The following KLRG1 variants were observed in gnomAD, a reference collection of about 807,000 sequenced individuals.
KLRG1 encodes the protein killer cell lectin like receptor G1, also known as killer cell lectin-like receptor subfamily G member 1.
In KLRG1, 16 loss-of-function variants were observed where a neutral mutation model predicts 21.8. The ratio of observed to expected loss-of-function variants is 0.73; its 90% CI spans 0.50 to 1.11. The LOEUF is 1.11. Ranked by LOEUF, KLRG1 falls within the 50% of genes most tolerant of loss-of-function variation. The pLI is 0.00. For missense variants in KLRG1, 173 were observed against 218.3 expected (o/e 0.79, Z 1.31); for synonymous variants, 69 against 75.9 (o/e 0.91, Z 0.47).
At chr12:9,213,691 A>G in the KLRG1 span, among the ~76,000 whole-genome samples, 1 of 151,850 alleles carries the variant, frequency 6.6e-6, no homozygotes, top group African/African-American at 2.4e-5. Context: ...TTATCTTTTT[A>G]TTGTTGAATT....
chr12:8,954,876 T>A (rs116195181), intron 1 of KLRG1, among the ~76,000 whole-genome samples: 1,536 of 152,344 alleles, frequency 0.01, 24 homozygotes, highest in African/African-American at 0.034. Context: ...CTGGTTTCTC[T>A]TGTTAAGGCA....
downstream of KLRG1, among the ~76,000 whole-genome samples, chr12:9,011,284 T>A (rs1465929154): frequency 6.6e-6 from 1 of 152,212 alleles, no homozygotes; most frequent in African/African-American, 2.4e-5. Context: ...AGTAACAGTT[T>A]ACTTCCTGGT....
the KLRG1 span, chr12:9,196,986 A>G: frequency 3.5e-5 from 52 of 1,465,482 alleles, no homozygotes; most frequent in Middle Eastern, 1.7e-4. Flanking sequence ...CAGTGATAGC[A>G]CTGAGGGAGA....
chr12:9,004,161 C>T lies in KLRG1; in HGVS notation c.358-4814C>T, dbSNP rs370876346. On this transcript the variant is annotated intron_variant, in intron 3 of 4. Transcript: ENST00000356986. ...CTATTGTGAATAGTGCCACAATAAA[C>T]ACACGTGTGCATGTGTCTTTATAGC... 1.0e-3 allele frequency among the ~76,000 whole-genome samples: 153 copies of T among 152,292 alleles called. 3 individuals carry two copies. The South Asian group carries it at 0.032, about 31-fold the overall frequency.
At chr12:8,976,016 C>T (rs1198128130) in intron 1 of KLRG1, among the ~76,000 whole-genome samples, 3 of 151,720 alleles carry the variant, frequency 2.0e-5, no homozygotes, top group Non-Finnish European at 4.4e-5. Context: ...TACCATTTGG[C>T]TTAATTTGTT....
the KLRG1 span, among the ~76,000 whole-genome samples, chr12:9,088,428 A>G: frequency 0.064 from 9,752 of 152,194 alleles, 1,046 homozygotes; most frequent in African/African-American, 0.22. Context: ...GGATTGAATG[A>G]TAGGTAATCA....
the KLRG1 span, among the ~76,000 whole-genome samples, chr12:9,210,168 C>G: frequency 1.3e-5 from 2 of 152,166 alleles, no homozygotes; most frequent in East Asian, 3.9e-4. Flanking sequence ...GATTTGAATA[C>G]CCATCTGCAA....
At chr12:9,148,900 CAAAT>C in the KLRG1 span, 4 of 1,347,930 alleles carry the variant, frequency 3.0e-6, no homozygotes, top group Non-Finnish European at 4.2e-6. Context: ...TTTATAGAGA[CAAAT>C]AACTCCATTC....
upstream of KLRG1, among the ~76,000 whole-genome samples, chr12:8,986,352 A>G (rs1946842098): frequency 6.6e-6 from 1 of 152,154 alleles, no homozygotes; most frequent in Non-Finnish European, 1.5e-5. Context: ...CAAAGGGAGG[A>G]GAGTTAAATT....
the KLRG1 span, among the ~76,000 whole-genome samples, chr12:9,145,626 C>G: frequency 6.6e-6 from 1 of 152,034 alleles, no homozygotes; most frequent in Non-Finnish European, 1.5e-5. Context: ...TTATATTTGC[C>G]TTTGCCAATC....
the KLRG1 span, among the ~76,000 whole-genome samples, chr12:9,177,642 GTAT>G: frequency 3.3e-5 from 5 of 152,138 alleles, no homozygotes; most frequent in Admixed American, 6.5e-5. Flanking sequence ...AAATGAACAT[GTAT>G]TATTTATATT....
At chr12:8,973,631 A>G (rs1415772845) in intron 1 of KLRG1, among the ~76,000 whole-genome samples, 1 of 152,252 alleles carries the variant, frequency 6.6e-6, no homozygotes, top group Non-Finnish European at 1.5e-5. Flanking sequence ...GCACAAATGG[A>G]CTAAGACATA....
the KLRG1 span, among the ~76,000 whole-genome samples, chr12:9,188,004 G>A: frequency 2.6e-5 from 4 of 152,256 alleles, no homozygotes; most frequent in South Asian, 2.1e-4. Context: ...CCCATGAGGA[G>A]AAGTGGGACT....
chr12:8,956,321 G>T (rs1303423453), intron 1 of KLRG1, among the ~76,000 whole-genome samples: 1 of 152,186 alleles, frequency 6.6e-6, no homozygotes, highest in African/African-American at 2.4e-5. Context: ...CCCCCGTTCG[G>T]CAAAGCTTGT....
At chr12:9,202,324 C>T in the KLRG1 span, 1 of 1,613,692 alleles carries the variant, frequency 6.2e-7, no homozygotes, top group Non-Finnish European at 8.5e-7. Flanking sequence ...CTTACCAGTT[C>T]ATTTCGAGGG....
At chr12:9,196,907 A>T in the KLRG1 span, 1 of 929,914 alleles carries the variant, frequency 1.1e-6, no homozygotes, top group South Asian at 1.6e-5. Flanking sequence ...TTGGTGGGGG[A>T]TATTTTGCGA....
At chr12:9,018,717 G>A in the KLRG1 span, among the ~76,000 whole-genome samples, 3 of 145,504 alleles carry the variant, frequency 2.1e-5, no homozygotes, top group Non-Finnish European at 4.5e-5. Context: ...AAGGAAGGAA[G>A]GAAGGAAGGA....
the KLRG1 span, among the ~76,000 whole-genome samples, chr12:9,110,661 T>C: frequency 1.1e-4 from 17 of 151,796 alleles, no homozygotes; most frequent in Non-Finnish European, 2.5e-4. Context: ...TATCAAAATA[T>C]CTCATGTAAC....
the KLRG1 span, among the ~76,000 whole-genome samples, chr12:9,107,319 G>A: frequency 3.3e-5 from 5 of 152,154 alleles, no homozygotes; most frequent in East Asian, 1.9e-4. Context: ...AGTGTCTATC[G>A]TTCTGAAACA....
Sources: gnomAD v4.1 joint callset for allele counts (sites outside exome capture counted in the v4.1 genomes callset) on GRCh38, gnomAD v4.1.1 for gene constraint, MANE v1.5 for transcripts, NCBI Gene and HGNC (gene_info 2026-07-23, HGNC 2026-07-21) for gene names.